CCDC50: variants seen among roughly 807,000 people sequenced by gnomAD.
CCDC50 encodes the protein coiled-coil domain-containing protein 50.
Under a neutral mutation model 70.2 loss-of-function variants are expected in CCDC50, and 54 were observed. The ratio of observed to expected loss-of-function variants is 0.77; its 90% CI spans 0.62 to 0.96. CCDC50 has a LOEUF of 0.96. CCDC50 is among the 50% of genes least tolerant of loss of function. The pLI is 0.00. For synonymous variants in CCDC50, 216 were observed against 198.8 expected (o/e 1.09, Z -0.73); for missense variants, 558 against 578.7 (o/e 0.96, Z 0.37).
intron 4 of CCDC50, among the ~76,000 whole-genome samples, chr3:191,364,830 C>T (rs1406987608): frequency 6.6e-6 from 1 of 152,044 alleles, no homozygotes; most frequent in Non-Finnish European, 1.5e-5. Flanking sequence ...TCCCTCCCTT[C>T]ATTCCTCTTC....
rs913211871 is a variant in CCDC50 at position 191,397,984 on chromosome 3, T to G, written c.*6224T>G. ...TTGTGGATGCCTTAAAGATGACCAG[T>G]GGTGGGTTCTGATGGGAATATATAC... On this transcript the variant is annotated 3_prime_UTR_variant, in exon 12 of 12. Transcript: ENST00000392455. The G allele has an allele frequency of 6.6e-6, 1 of 152,188 alleles. No individual in the cohort carries two copies. The highest frequency in any genetic ancestry group is 2.4e-5 in the African/African-American group (1 of 41,420). 9.4% of individuals were successfully genotyped at this position (152,188 alleles called of 1,614,324 possible).
In CCDC50 at chr3:191,393,519, A is replaced by G. The variant is rs765407069; in HGVS notation, c.*1759A>G. ...CATTTGAGAAAGATTTGTAGTTTCA[A>G]TGAAGTTTGTATATTATAGGAATTT... is the stretch of plus-strand genomic sequence containing the variant. On this transcript the variant is annotated 3_prime_UTR_variant, in exon 12 of 12. Coordinates refer to ENST00000392455, the MANE Select transcript of CCDC50 (RefSeq NM_178335.3). 1.3e-4 allele frequency: 20 copies of G among 152,194 alleles called. No individual in the cohort carries two copies. Among genetic ancestry groups the G allele is most frequent in the African/African-American group, 3.9e-4 (16 of 41,460 alleles). The allele number at this position is 152,194 out of a possible 1,614,324, so 9.4% of individuals were successfully genotyped here. A position where few individuals can be genotyped will look rare whatever the true frequency, so the allele number is the denominator to read the frequency against.
chr3:191,361,450 A>G (rs983843513), intron 4 of CCDC50, among the ~76,000 whole-genome samples: 1 of 152,246 alleles, frequency 6.6e-6, no homozygotes, highest in Non-Finnish European at 1.5e-5. Context: ...TTATTGTCTT[A>G]GAGTTCTGGA....
intron 1 of CCDC50, among the ~76,000 whole-genome samples, chr3:191,340,353 A>G (rs953040941): frequency 1.3e-5 from 2 of 152,234 alleles, no homozygotes; most frequent in African/African-American, 2.4e-5. Context: ...AAGTAAATCT[A>G]TATTTATTAC....
In CCDC50 at chr3:191,398,481, A is replaced by G. The variant is rs1232059170; in HGVS notation, c.*6721A>G. The stretch of plus-strand genomic sequence containing the variant: ...TTTTGTTTCTTTACAGCATTCAAGG[A>G]CAGGGAAACTTACGAGAGTCTTATT... On this transcript the variant is annotated 3_prime_UTR_variant, in exon 12 of 12. Transcript: ENST00000392455. 1 of 152,196 alleles carries G rather than the reference A, an allele frequency of 6.6e-6. No homozygotes were observed. Among genetic ancestry groups the G allele is most frequent in the African/African-American group, 2.4e-5 (1 of 41,440 alleles). The allele number at this position is 152,196 out of a possible 1,614,324, so 9.4% of individuals were successfully genotyped here.
chr3:191,353,453 G>C (rs190969429), intron 1 of CCDC50, among the ~76,000 whole-genome samples: 1 of 141,724 alleles, frequency 7.1e-6, no homozygotes, highest in African/African-American at 2.5e-5. Context: ...ACAGAGAAAG[G>C]TGGGAAGATG....
chr3:191,369,960 G>A lies in CCDC50; in HGVS notation c.372G>A (p.Glu124=). ...RLLQEKELQE[E]KKRKKHFPEF... is the part of the protein sequence containing the mutation. ...TGCAAGAAAAGGAGTTACAGGAAGA[G>A]AAAAAGAGAAAGAAACACTTTCCAG... The change falls in exon 5 of 12, where the codon GAG becomes GAA. Residue 124 remains glutamate (E), a synonymous_variant. Coordinates refer to ENST00000392455, the MANE Select transcript of CCDC50 (RefSeq NM_178335.3). 1 of 1,613,472 alleles carries A rather than the reference G, an allele frequency of 6.2e-7. No individual in the cohort carries two copies. The highest frequency in any genetic ancestry group is 8.5e-7 in the Non-Finnish European group (1 of 1,179,626).
intron 1 of CCDC50, among the ~76,000 whole-genome samples, chr3:191,345,874 TA>T (rs1309183036): frequency 6.6e-6 from 1 of 152,230 alleles, no homozygotes; most frequent in Non-Finnish European, 1.5e-5. Flanking sequence ...GGCACACATT[TA>T]AAACTTATGC....
rs567067283 is a variant in CCDC50, at chr3:191,398,337, T to G, written c.*6577T>G. The G allele has an allele frequency of 6.6e-6, 1 of 152,346 alleles. No homozygotes were observed. Among genetic ancestry groups the G allele is most frequent in the East Asian group, 1.9e-4 (1 of 5,190 alleles). The allele number at this position is 152,346 out of a possible 1,614,324, so 9.4% of individuals were successfully genotyped here. ...GAATAATTTTTAAACCAAAGTATTC[T>G]ATAAGTCTGTGTGCTTTGTTTTCCT... is the stretch of plus-strand genomic sequence containing the variant. On this transcript the variant is annotated 3_prime_UTR_variant, in exon 12 of 12. Coordinates refer to ENST00000392455, the MANE Select transcript of CCDC50 (RefSeq NM_178335.3).
chr3:191,391,284 A>G (rs1056811555), intron 11 of CCDC50, among the ~76,000 whole-genome samples: 6 of 152,318 alleles, frequency 3.9e-5, no homozygotes, highest in African/African-American at 9.6e-5. Flanking sequence ...GACTACTTCA[A>G]TCAGAATCTC....
At chr3:191,362,932 C>T (rs1712545793) in intron 4 of CCDC50, among the ~76,000 whole-genome samples, 1 of 152,088 alleles carries the variant, frequency 6.6e-6, no homozygotes, top group African/African-American at 2.4e-5. Context: ...AATGTGTTGC[C>T]TCTTTATAGT....
At chr3:191,352,761 A>G (rs1254594954) in intron 1 of CCDC50, among the ~76,000 whole-genome samples, 1 of 101,850 alleles carries the variant, frequency 9.8e-6, no homozygotes, top group Non-Finnish European at 1.9e-5. Flanking sequence ...AGATATGCCT[A>G]TATTTAGATT....
intron 9 of CCDC50, among the ~76,000 whole-genome samples, chr3:191,382,348 A>G (rs1713347684): frequency 6.6e-6 from 1 of 152,180 alleles, no homozygotes; most frequent in Admixed American, 6.5e-5. Context: ...GAGTGCACAA[A>G]CCTGGATTCC....
intron 10 of CCDC50, among the ~76,000 whole-genome samples, chr3:191,385,763 CTAAAATTT>C (rs1713472131): frequency 6.6e-6 from 1 of 152,024 alleles, no homozygotes; most frequent in South Asian, 2.1e-4. Context: ...AGGTTTTCTT[CTAAAATTT>C]TTATAGTTTA....
intron 10 of CCDC50, among the ~76,000 whole-genome samples, chr3:191,383,963 A>C (rs1011587783): frequency 5.3e-5 from 8 of 152,164 alleles, no homozygotes; most frequent in African/African-American, 1.9e-4. Flanking sequence ...TAGTCAAATG[A>C]ATTTAAATCA....
At chr3:191,334,478 A>G (rs1382277555) in intron 1 of CCDC50, among the ~76,000 whole-genome samples, 1 of 152,138 alleles carries the variant, frequency 6.6e-6, no homozygotes, top group Non-Finnish European at 1.5e-5. Context: ...CAGAGTAGAA[A>G]GCACTAAAAA....
Position 191,329,734 on chromosome 3 carries a change from C to G in CCDC50, c.49+11C>G, listed in dbSNP as rs1198232712. 3.7e-6 allele frequency: 6 copies of G among 1,608,112 alleles called. No individual in the cohort carries two copies. Among genetic ancestry groups the G allele is most frequent in the African/African-American group, 1.3e-5 (1 of 74,934 alleles). ...CTGGAGTCAAGGAAGGTAAGGGCCC[C>G]GGAGGGAGAGCGCGCGGGACCCTCC... On this transcript the variant is annotated intron_variant, in intron 1 of 11. Coordinates refer to ENST00000392455, the MANE Select transcript of CCDC50 (RefSeq NM_178335.3).
rs562673598 is a variant in CCDC50 at position 191,363,228 on chromosome 3, C to T, written c.330+2069C>T. Among the ~76,000 whole-genome samples, 168 of 151,982 alleles carry T rather than the reference C, an allele frequency of 1.1e-3. 1 individual carries two copies. The highest frequency in any genetic ancestry group is 1.6e-3 in the Non-Finnish European group (110 of 67,948). On this transcript the variant is annotated intron_variant, in intron 4 of 11. Coordinates refer to ENST00000392455, the MANE Select transcript of CCDC50 (RefSeq NM_178335.3). ...CAGTTTAGTGATTAACTCCATTTTT[C>T]GGATGTAGAAATTAAGTATTAAAGA... is the stretch of plus-strand genomic sequence containing the variant.
intron 4 of CCDC50, among the ~76,000 whole-genome samples, chr3:191,366,588 A>G (rs975188050): frequency 2.6e-5 from 4 of 152,174 alleles, no homozygotes; most frequent in Non-Finnish European, 5.9e-5. Flanking sequence ...AGTTATGTAG[A>G]ACATTAATTA....
Sources: allele counts gnomAD v4.1 joint callset (sites outside exome capture counted in the v4.1 genomes callset), GRCh38; gene constraint gnomAD v4.1.1; transcripts MANE v1.5; gene names NCBI Gene and HGNC (gene_info 2026-07-23, HGNC 2026-07-21).